Variants in MAP2K5 observed in about 807,000 individuals in gnomAD.
MAP2K5 encodes dual specificity mitogen-activated protein kinase kinase 5.
In MAP2K5, 49 loss-of-function variants were observed where a neutral mutation model predicts 83.1. That is an observed-to-expected ratio of 0.59 (90% confidence interval 0.47 to 0.75). The LOEUF is 0.75. MAP2K5 is among the 30% of genes least tolerant of loss of function. The pLI is 0.00. For synonymous variants in MAP2K5, 202 were observed against 191.8 expected (o/e 1.05, Z -0.44); for missense variants, 457 against 557.5 (o/e 0.82, Z 1.82).
chr15:67,697,759 A>G (rs1567368238), intron 15 of MAP2K5, among the ~76,000 whole-genome samples: 1 of 152,248 alleles, frequency 6.6e-6, no homozygotes, highest in Admixed American at 6.5e-5. Context: ...CTACTCAAAT[A>G]TGAAAAAGAA....
chr15:67,676,125 G>A lies in MAP2K5; in HGVS notation c.847+11480G>A, dbSNP rs928280295. ...AACCACCCAGCAAGATGCCCCCAGTGTGTGGATGAGTGTTTGATTCACCAA... is the reference window on the plus strand; with the variant it reads ...AACCACCCAGCAAGATGCCCCCAGTATGTGGATGAGTGTTTGATTCACCAA... On this transcript the variant is annotated intron_variant, in intron 13 of 21. Coordinates refer to ENST00000178640, the MANE Select transcript of MAP2K5 (RefSeq NM_145160.3). The surrounding 1 kb of genome is among the most constrained non-coding windows in gnomAD (Gnocchi z 4.8). 1.3e-5 allele frequency among the ~76,000 whole-genome samples: 2 copies of A among 151,976 alleles called. No individual in the cohort carries two copies. Among genetic ancestry groups the A allele is most frequent in the African/African-American group, 4.9e-5 (2 of 41,232 alleles).
At chr15:67,658,033 A>G (rs1169837318) in intron 11 of MAP2K5, among the ~76,000 whole-genome samples, 1 of 152,088 alleles carries the variant, frequency 6.6e-6, no homozygotes, top group Admixed American at 6.6e-5. Context: ...CTGAAAGACT[A>G]TATACCTCAA....
chr15:67,700,989 A>G (rs1346573573), intron 15 of MAP2K5, among the ~76,000 whole-genome samples: 6 of 151,628 alleles, frequency 4.0e-5, no homozygotes, highest in Admixed American at 6.6e-5. Context: ...ATTTGTTTTG[A>G]TATTTCAGTG....
rs1478449058 is a variant in MAP2K5, at chr15:67,563,765, GATAC to G, written c.252+417_252+420del. ...ACAATGTAGCTGCAGGCTTAATATGGATACACGATTTAAAGATGTACTGTTGGTT... is the reference window on the plus strand; with the variant it reads ...ACAATGTAGCTGCAGGCTTAATATGGACGATTTAAAGATGTACTGTTGGTT... On this transcript the variant is annotated intron_variant, in intron 3 of 21. Coordinates refer to ENST00000178640, the MANE Select transcript of MAP2K5 (RefSeq NM_145160.3). This position sits in a 1 kb window ranked among gnomAD's most constrained non-coding sequence, Gnocchi z 4.5. Among the ~76,000 whole-genome samples the G allele has an allele frequency of 6.6e-6, 1 of 151,996 alleles. No individual in the cohort carries two copies. Among genetic ancestry groups the G allele is most frequent in the Non-Finnish European group, 1.5e-5 (1 of 68,006 alleles).
At chr15:67,580,320 T>C (rs1361359143) in intron 3 of MAP2K5, among the ~76,000 whole-genome samples, 1 of 152,222 alleles carries the variant, frequency 6.6e-6, no homozygotes, top group African/African-American at 2.4e-5. Flanking sequence ...TTCCATTATC[T>C]GTGCATTTTA....
chr15:67,744,657 TG>T (rs2141269280), intron 17 of MAP2K5, among the ~76,000 whole-genome samples: 1 of 152,356 alleles, frequency 6.6e-6, no homozygotes, highest in Non-Finnish European at 1.5e-5. Flanking sequence ...TTACCACTTA[TG>T]TAAAAAGCTC....
Position 67,758,438 on chromosome 15 carries a change from C to T in MAP2K5, c.1134+9837C>T, listed in dbSNP as rs763628685. On this transcript the variant is annotated intron_variant, in intron 19 of 21. Transcript: ENST00000178640. This position sits in a 1 kb window ranked among gnomAD's most constrained non-coding sequence, Gnocchi z 4.7. The stretch of plus-strand genomic sequence containing the variant: ...TAGCATTCTGTTCTTGGGAGATCAC[C>T]AAGCACCTCATTCAAAACTATATTC... Among the ~76,000 whole-genome samples the T allele has an allele frequency of 1.3e-5, 2 of 151,994 alleles. No individual in the cohort carries two copies. Among genetic ancestry groups the T allele is most frequent in the East Asian group, 1.9e-4 (1 of 5,178 alleles).
intron 8 of MAP2K5, among the ~76,000 whole-genome samples, chr15:67,624,987 G>A (rs8033728): frequency 0.83 from 126,259 of 152,114 alleles, 53,322 homozygotes; most frequent in Middle Eastern, 0.93. Context: ...GTCGCGGCTC[G>A]TCTTGGCTTT....
At chr15:67,732,994 A>G (rs1485248229) in intron 17 of MAP2K5, among the ~76,000 whole-genome samples, 1 of 152,158 alleles carries the variant, frequency 6.6e-6, no homozygotes, top group African/African-American at 2.4e-5. Flanking sequence ...GCGAATCTGT[A>G]CTCACACCTT....
intron 19 of MAP2K5, among the ~76,000 whole-genome samples, chr15:67,752,631 T>A (rs574669080): frequency 6.9e-6 from 1 of 144,958 alleles, no homozygotes; most frequent in African/African-American, 2.6e-5. Flanking sequence ...TGAGCCAAGA[T>A]AAGAGCACTG....
intron 17 of MAP2K5, among the ~76,000 whole-genome samples, chr15:67,734,474 A>G (rs1374228001): frequency 6.6e-6 from 1 of 152,212 alleles, no homozygotes; most frequent in Non-Finnish European, 1.5e-5. Flanking sequence ...TAGAAAGCAT[A>G]TGTTCTTAAA....
At chr15:67,571,054 A>G (rs1165171860) in intron 3 of MAP2K5, among the ~76,000 whole-genome samples, 1 of 152,210 alleles carries the variant, frequency 6.6e-6, no homozygotes, top group East Asian at 1.9e-4. Flanking sequence ...GGTATGACCA[A>G]TGAGAGTCGT....
At chr15:67,604,777 C>G (rs1216487016) in intron 8 of MAP2K5, among the ~76,000 whole-genome samples, 1 of 151,848 alleles carries the variant, frequency 6.6e-6, no homozygotes, top group African/African-American at 2.4e-5. Context: ...CGCCTGTAGT[C>G]CCAGCTACTC....
At position 67,753,611 on chromosome 15, in the gene MAP2K5, G is replaced by A. The variant is rs148795170; in HGVS notation, c.1134+5010G>A. 2.5e-3 allele frequency among the ~76,000 whole-genome samples: 374 copies of A among 151,840 alleles called. 1 individual carries two copies. The highest frequency in any genetic ancestry group is 8.7e-3 in the African/African-American group (360 of 41,390). ...AAAATATGCTCAACAATTAATTAAG[G>A]AAATGCAAATCAAAACCACAATGAG... On this transcript the variant is annotated intron_variant, in intron 19 of 21. Coordinates refer to ENST00000178640, the MANE Select transcript of MAP2K5 (RefSeq NM_145160.3).
rs1310689859 is a variant in MAP2K5 at position 67,755,324 on chromosome 15, ATT to A, written c.1134+6727_1134+6728del. Among the ~76,000 whole-genome samples, 2 of 151,804 alleles carry A rather than the reference ATT, an allele frequency of 1.3e-5. No homozygotes were observed. Among genetic ancestry groups the A allele is most frequent in the Non-Finnish European group, 2.9e-5 (2 of 67,932 alleles). On this transcript the variant is annotated intron_variant, in intron 19 of 21. Coordinates refer to ENST00000178640, the MANE Select transcript of MAP2K5 (RefSeq NM_145160.3). The surrounding 1 kb of genome is among the most constrained non-coding windows in gnomAD (Gnocchi z 4.7). Reference sequence around the variant, plus strand: ...TTGTTATAAAGTAGGCTCTTCCCTTATTTTTCTCCTCCCTTTCCCAGTCCTCC... The same window carrying A: ...TTGTTATAAAGTAGGCTCTTCCCTTATTTCTCCTCCCTTTCCCAGTCCTCC...
At chr15:67,715,298 C>A (rs1353115099) in intron 16 of MAP2K5, among the ~76,000 whole-genome samples, 3 of 151,990 alleles carry the variant, frequency 2.0e-5, no homozygotes, top group Admixed American at 6.6e-5. Context: ...TGACCTTTGG[C>A]AGATGATGGA....
chr15:67,580,568 A>G (rs2085157489), intron 3 of MAP2K5, among the ~76,000 whole-genome samples, 186 bp from the exon 4 acceptor site: 1 of 152,206 alleles, frequency 6.6e-6, no homozygotes, highest in South Asian at 2.1e-4. Context: ...GAAGGCTAAC[A>G]CACTGGACTT....
In MAP2K5 at chr15:67,790,978, T is replaced by A. The variant is rs1191614312; in HGVS notation, c.1243-15668T>A. Among the ~76,000 whole-genome samples the A allele has an allele frequency of 6.6e-6, 1 of 152,186 alleles. No homozygotes were observed. The highest frequency in any genetic ancestry group is 2.4e-5 in the African/African-American group (1 of 41,436). On this transcript the variant is annotated intron_variant, in intron 21 of 21. Transcript: ENST00000178640. This position sits in a 1 kb window ranked among gnomAD's most constrained non-coding sequence, Gnocchi z 4.6. Reference sequence around the variant, plus strand: ...GGGGAATAAGCTGTGTTGTAGAGAATGAAATCCATAGGACTCCTGGAAACC... The same window carrying A: ...GGGGAATAAGCTGTGTTGTAGAGAAAGAAATCCATAGGACTCCTGGAAACC...
chr15:67,655,000 G>A (rs2087034930), intron 11 of MAP2K5, among the ~76,000 whole-genome samples: 1 of 151,908 alleles, frequency 6.6e-6, no homozygotes, highest in African/African-American at 2.4e-5. Flanking sequence ...AGGAGGCAGA[G>A]GTTGCAGTGA....
Sources: gnomAD v4.1 joint callset for allele counts (sites outside exome capture counted in the v4.1 genomes callset) on GRCh38, gnomAD v4.1.1 for gene constraint, Gnocchi (gnomAD v3.1) non-coding constraint, MANE v1.5 for transcripts, NCBI Gene and HGNC (gene_info 2026-07-23, HGNC 2026-07-21) for gene names.